SEMA3E: variants seen among roughly 807,000 people sequenced by gnomAD.
SEMA3E encodes the protein semaphorin 3E, also known as semaphorin-3E.
A neutral mutation model predicts 93.6 loss-of-function variants in SEMA3E; 49 were observed. The observed-to-expected ratio is 0.52, with a 90% CI of 0.42 to 0.66. The LOEUF (loss-of-function observed/expected upper bound fraction) is 0.66. Ranked by LOEUF, SEMA3E falls within the 30% of genes least tolerant of loss-of-function variation. The pLI, the probability that SEMA3E is intolerant of heterozygous loss-of-function variation, is 0.00. For synonymous variants in SEMA3E, 363 were observed against 330.7 expected (o/e 1.10, Z -1.06); for missense variants, 906 against 964.8 (o/e 0.94, Z 0.81).
At chr7:83,605,427 CCT>C (rs1185844091) in intron 1 of SEMA3E, among the ~76,000 whole-genome samples, 9 of 149,496 alleles carry the variant, frequency 6.0e-5, no homozygotes, top group Non-Finnish European at 7.4e-5. Context: ...GCATAAATGT[CCT>C]CTCTTTTTTT....
intron 1 of SEMA3E, among the ~76,000 whole-genome samples, chr7:83,522,671 G>A (rs1791072712): frequency 6.6e-6 from 1 of 152,024 alleles, no homozygotes; most frequent in African/African-American, 2.4e-5. Flanking sequence ...TGTGAGATAA[G>A]ATCCATGACA....
intron 1 of SEMA3E, among the ~76,000 whole-genome samples, chr7:83,505,989 T>C (rs1790696219): frequency 1.5e-5 from 2 of 129,974 alleles, no homozygotes; most frequent in African/African-American, 5.9e-5. Flanking sequence ...CACTCCAGCC[T>C]GGGCAACAGT....
chr7:83,515,112 G>GTAAC (rs1238371242), intron 1 of SEMA3E, among the ~76,000 whole-genome samples: 1 of 152,018 alleles, frequency 6.6e-6, no homozygotes, highest in Non-Finnish European at 1.5e-5. Flanking sequence ...CAACAGTATT[G>GTAAC]GTTAGAGTGA....
chr7:83,440,371 A>G (rs1789088794), intron 4 of SEMA3E, among the ~76,000 whole-genome samples: 1 of 152,162 alleles, frequency 6.6e-6, no homozygotes, highest in Admixed American at 6.5e-5. Context: ...CCTAAGGAAG[A>G]AAAGAACCTA....
chr7:83,416,597 T>C (rs531386777), intron 5 of SEMA3E, among the ~76,000 whole-genome samples: 1 of 152,208 alleles, frequency 6.6e-6, no homozygotes, highest in African/African-American at 2.4e-5. Flanking sequence ...CCAATTCCCT[T>C]TTTATGATTC....
In SEMA3E at chr7:83,402,482, A is replaced by AT. The variant is rs1194828178; in HGVS notation, c.1143+149dup. ...GATAAAACTTGAGATTTGAAGGAATATTTTTTTACTACATATACTTTTCAC... is the reference window on the plus strand; with the variant it reads ...GATAAAACTTGAGATTTGAAGGAATATTTTTTTTACTACATATACTTTTCAC... On this transcript the variant is annotated intron_variant, in intron 10 of 16. Transcript: ENST00000643230. 3.2e-5 allele frequency: 21 copies of AT among 658,634 alleles called. No individual in the cohort carries two copies. In the East Asian group the frequency reaches 4.5e-4, roughly 14 times the overall value. The allele number at this position is 658,634 out of a possible 1,614,324, so 40.8% of individuals were successfully genotyped here. A position where few individuals can be genotyped will look rare whatever the true frequency, so the allele number is the denominator to read the frequency against.
chr7:83,601,971 A>T (rs1451083084), intron 1 of SEMA3E, among the ~76,000 whole-genome samples: 1 of 152,234 alleles, frequency 6.6e-6, no homozygotes, highest in Non-Finnish European at 1.5e-5. Flanking sequence ...GATGTAATCA[A>T]TGTGAGCATA....
At chr7:83,486,610 A>G (rs1305023076) in intron 2 of SEMA3E, among the ~76,000 whole-genome samples, 1 of 152,126 alleles carries the variant, frequency 6.6e-6, no homozygotes, top group Non-Finnish European at 1.5e-5. Context: ...CTCCGCTGCT[A>G]CTAAAAGCAG....
At chr7:83,586,665 A>T (rs1300359696) in intron 1 of SEMA3E, among the ~76,000 whole-genome samples, 1 of 151,648 alleles carries the variant, frequency 6.6e-6, no homozygotes, top group Non-Finnish European at 1.5e-5. Flanking sequence ...GACAAGCAGA[A>T]GAAGGGATTA....
intron 3 of SEMA3E, among the ~76,000 whole-genome samples, chr7:83,468,964 T>G (rs1186377582): frequency 1.3e-5 from 2 of 152,078 alleles, no homozygotes; most frequent in African/African-American, 4.8e-5. Flanking sequence ...GCCAAATACA[T>G]GAGAAATAAG....
At chr7:83,624,021 A>G (rs1217506890) in intron 1 of SEMA3E, among the ~76,000 whole-genome samples, 1 of 152,134 alleles carries the variant, frequency 6.6e-6, no homozygotes, top group Admixed American at 6.5e-5. Flanking sequence ...GATAGTTTCT[A>G]GCTTCATCCA....
At position 83,402,618 on chromosome 7, in the gene SEMA3E, ATAAC is replaced by A. The variant is rs1788252655; in HGVS notation, c.1143+10_1143+13del. ...CTTAAAAATAAGAATTATTTGTTAT[ATAAC>A]TAAACTTACAGAACCAGGCCTTGGA... On this transcript the variant is annotated intron_variant, in intron 10 of 16. Coordinates refer to ENST00000643230, the MANE Select transcript of SEMA3E (RefSeq NM_012431.3). The A allele has an allele frequency of 6.2e-7, 1 of 1,605,940 alleles. No individual in the cohort carries two copies. The highest frequency in any genetic ancestry group is 1.3e-5 in the African/African-American group (1 of 74,710).
rs1562866031 is a variant in SEMA3E at position 83,639,129 on chromosome 7, A to ACAAAC, written c.115+9298_115+9299insGTTTG. Reference sequence around the variant, plus strand: ...CCGTCTCAAAAAAAAAAAAAAAAAAAAAAAAAAAAAACAGAGATTCCTGAG... The same window carrying ACAAAC: ...CCGTCTCAAAAAAAAAAAAAAAAAAACAAACAAAAAAAAAAACAGAGATTCCTGAG... On this transcript the variant is annotated intron_variant, in intron 1 of 16. Coordinates refer to ENST00000643230, the MANE Select transcript of SEMA3E (RefSeq NM_012431.3). 8.3e-3 allele frequency among the ~76,000 whole-genome samples: 1,164 copies of ACAAAC among 139,502 alleles called. 59 individuals carry two copies. Among genetic ancestry groups the ACAAAC allele is most frequent in the African/African-American group, 0.031 (1,109 of 36,320 alleles). 91.5% of individuals were successfully genotyped at this position (139,502 alleles called of 152,430 possible). A position where few individuals can be genotyped will look rare whatever the true frequency, so the allele number is the denominator to read the frequency against.
At chr7:83,417,555 A>G (rs1457933970) in intron 5 of SEMA3E, among the ~76,000 whole-genome samples, 1 of 152,138 alleles carries the variant, frequency 6.6e-6, no homozygotes, top group Non-Finnish European at 1.5e-5. Context: ...GCAACCTTGC[A>G]CATCTGCACC....
intron 1 of SEMA3E, among the ~76,000 whole-genome samples, chr7:83,592,797 G>A (rs1562846387): frequency 6.6e-6 from 1 of 152,168 alleles, no homozygotes; most frequent in Non-Finnish European, 1.5e-5. Context: ...CCAGAGGAAA[G>A]AGAAATAGGA....
At chr7:83,568,386 T>C (rs79174756) in intron 1 of SEMA3E, among the ~76,000 whole-genome samples, 1 of 152,008 alleles carries the variant, frequency 6.6e-6, no homozygotes, top group Non-Finnish European at 1.5e-5. Flanking sequence ...GAGGCCAACA[T>C]CACCCTGATA....
chr7:83,467,413 A>G (rs2097285942), intron 3 of SEMA3E, among the ~76,000 whole-genome samples: 1 of 152,198 alleles, frequency 6.6e-6, no homozygotes, highest in Non-Finnish European at 1.5e-5. Context: ...CACATAAAGC[A>G]CCTTCAGAGA....
chr7:83,378,976 A>G (rs1043240599), intron 16 of SEMA3E, among the ~76,000 whole-genome samples: 24 of 151,852 alleles, frequency 1.6e-4, no homozygotes, highest in African/African-American at 5.8e-4. Context: ...ATTCACAGCA[A>G]TAAAGATATG....
At chr7:83,527,969 A>T (rs1791197005) in intron 1 of SEMA3E, among the ~76,000 whole-genome samples, 1 of 152,106 alleles carries the variant, frequency 6.6e-6, no homozygotes, top group African/African-American at 2.4e-5. Context: ...AAGACAGATG[A>T]CCTTTTAAAC....
Sources: allele counts gnomAD v4.1 joint callset (sites outside exome capture counted in the v4.1 genomes callset), GRCh38; gene constraint gnomAD v4.1.1; transcripts MANE v1.5; gene names NCBI Gene and HGNC (gene_info 2026-07-23, HGNC 2026-07-21).